The following FHIT variants were observed in gnomAD, a reference collection of about 807,000 sequenced individuals.
FHIT encodes bis(5'-adenosyl)-triphosphatase.
In FHIT, 19 loss-of-function variants were observed where a neutral mutation model predicts 17.9. That is an observed-to-expected ratio of 1.06 (90% CI 0.74 to 1.56). The LOEUF is 1.56. Among genes scored for constraint, FHIT ranks in the 40% most tolerant of loss-of-function variants. The pLI, the probability that FHIT is intolerant of heterozygous loss-of-function variation, is 0.00. For missense variants in FHIT, 248 were observed against 189.2 expected (o/e 1.31, Z -1.82); for synonymous variants, 81 against 69.7 (o/e 1.16, Z -0.81).
At chr3:60,269,436 C>T (rs187172664) in intron 5 of FHIT, among the ~76,000 whole-genome samples, 1 of 152,244 alleles carries the variant, frequency 6.6e-6, no homozygotes, top group East Asian at 1.9e-4. Context: ...TTTGAGAAAT[C>T]TTGGTATTTT....
chr3:59,999,883 C>T (rs892056519), intron 7 of FHIT, among the ~76,000 whole-genome samples: 2 of 152,124 alleles, frequency 1.3e-5, no homozygotes, highest in African/African-American at 4.8e-5. Context: ...GCTGGGATTA[C>T]AGGTGTGAGC....
intron 2 of FHIT, among the ~76,000 whole-genome samples, chr3:61,087,098 G>A (rs2035329687): frequency 6.6e-6 from 1 of 152,008 alleles, no homozygotes; most frequent in Non-Finnish European, 1.5e-5. Flanking sequence ...ATCCATCTCA[G>A]TTTCAATGTC....
At chr3:60,788,780 A>G (rs1347860563) in intron 4 of FHIT, among the ~76,000 whole-genome samples, 1 of 152,192 alleles carries the variant, frequency 6.6e-6, no homozygotes, top group African/African-American at 2.4e-5. Flanking sequence ...GATTCTGGGC[A>G]TTTGTGGCCT....
At chr3:61,061,514 TA>T (rs1221867075) in intron 2 of FHIT, among the ~76,000 whole-genome samples, 151 of 151,818 alleles carry the variant, frequency 9.9e-4, no homozygotes, top group African/African-American at 3.4e-3. Context: ...TAATTAAATT[TA>T]AATTAAAATT....
chr3:60,486,766 G>A (rs775804982), intron 5 of FHIT, among the ~76,000 whole-genome samples: 4 of 152,040 alleles, frequency 2.6e-5, no homozygotes, highest in Admixed American at 1.3e-4. Context: ...ATCTTTCAAC[G>A]GATATCCTCT....
At chr3:60,723,627 T>C (rs2041856514) in intron 4 of FHIT, among the ~76,000 whole-genome samples, 1 of 152,232 alleles carries the variant, frequency 6.6e-6, no homozygotes, top group Admixed American at 6.5e-5. Context: ...AAGAGGACTC[T>C]TGGACGCTTA....
chr3:60,304,291 C>T (rs1401536775), intron 5 of FHIT, among the ~76,000 whole-genome samples: 1 of 152,080 alleles, frequency 6.6e-6, no homozygotes, highest in Non-Finnish European at 1.5e-5. Context: ...TCAACAATTG[C>T]TGCCAATTGC....
rs542390161 is a variant in FHIT at position 60,698,915 on chromosome 3, T to C, written c.-18+123004A>G. Among the ~76,000 whole-genome samples, 15 of 152,322 alleles carry C rather than the reference T, an allele frequency of 9.8e-5. No homozygotes were observed. In the East Asian group the frequency reaches 2.9e-3, roughly 29 times the overall value. On this transcript the variant is annotated intron_variant, in intron 4 of 9. Coordinates refer to ENST00000492590, the MANE Select transcript of FHIT (RefSeq NM_002012.4). Reference sequence around the variant, plus strand: ...TAGCACATCACCCAGAGAAACTGACTTTTAACAGTCTGGTGTTTATACTCC... The same window carrying C: ...TAGCACATCACCCAGAGAAACTGACCTTTAACAGTCTGGTGTTTATACTCC...
intron 5 of FHIT, among the ~76,000 whole-genome samples, chr3:60,472,277 G>C (rs1337227996): frequency 6.6e-6 from 1 of 151,538 alleles, no homozygotes; most frequent in East Asian, 1.9e-4. Context: ...TTATTACTTC[G>C]AACTGTATGC....
intron 8 of FHIT, among the ~76,000 whole-genome samples, chr3:59,901,743 T>C (rs1456311838): frequency 1.3e-5 from 2 of 152,170 alleles, no homozygotes; most frequent in East Asian, 3.8e-4. Flanking sequence ...AAATTAAACA[T>C]AGGGTTACCT....
At chr3:60,177,358 G>C (rs1701726994) in intron 5 of FHIT, among the ~76,000 whole-genome samples, 1 of 151,306 alleles carries the variant, frequency 6.6e-6, no homozygotes, top group Non-Finnish European at 1.5e-5. Flanking sequence ...CCAGGCAAAA[G>C]TACTAGCACA....
chr3:60,244,034 C>T (rs2107578533), intron 5 of FHIT, among the ~76,000 whole-genome samples: 1 of 152,176 alleles, frequency 6.6e-6, no homozygotes. Flanking sequence ...ACTTCTACCA[C>T]TTAGAGAAAT....
chr3:61,194,597 C>G (rs1016654183), intron 2 of FHIT, among the ~76,000 whole-genome samples: 1 of 152,120 alleles, frequency 6.6e-6, no homozygotes, highest in South Asian at 2.1e-4. Flanking sequence ...TTCTAAATAA[C>G]GCCACATTCA....
intron 4 of FHIT, among the ~76,000 whole-genome samples, chr3:60,636,377 T>C (rs1201798879): frequency 1.8e-4 from 28 of 152,158 alleles, no homozygotes; most frequent in Admixed American, 1.8e-3. Context: ...CCAGAATGAA[T>C]GAATTTTACC....
Position 60,233,591 on chromosome 3 carries a change from AT to A in FHIT, c.104-219440del. Among the ~76,000 whole-genome samples the A allele has an allele frequency of 2.0e-5, 3 of 152,182 alleles. No homozygotes were observed. In the East Asian group the frequency reaches 5.8e-4, roughly 29 times the overall value. The stretch of plus-strand genomic sequence containing the variant: ...TATTTTCTTTCATTATTTCTTCATA[AT>A]CCTTATCACTTTTTGAAATCATCTT... On this transcript the variant is annotated intron_variant, in intron 5 of 9. Coordinates refer to ENST00000492590, the MANE Select transcript of FHIT (RefSeq NM_002012.4).
intron 3 of FHIT, among the ~76,000 whole-genome samples, chr3:60,838,178 C>G (rs1318400040): frequency 6.6e-6 from 1 of 152,126 alleles, no homozygotes; most frequent in Non-Finnish European, 1.5e-5. Context: ...TATGCAAATT[C>G]TTTTAGTTTT....
chr3:60,804,083 G>A (rs1353922763), intron 4 of FHIT, among the ~76,000 whole-genome samples: 1 of 152,166 alleles, frequency 6.6e-6, no homozygotes, highest in Non-Finnish European at 1.5e-5. Flanking sequence ...AACCCCGGAA[G>A]GCAGCGGAGG....
chr3:60,095,058 T>G (rs1703885902), intron 5 of FHIT, among the ~76,000 whole-genome samples: 1 of 152,172 alleles, frequency 6.6e-6, no homozygotes. Context: ...ACGCTTTGAA[T>G]GCTCACAACA....
chr3:60,523,933 T>C (rs1329890432), intron 5 of FHIT, among the ~76,000 whole-genome samples: 1 of 152,234 alleles, frequency 6.6e-6, no homozygotes, highest in African/African-American at 2.4e-5. Context: ...GTTGACACTA[T>C]GTTAACCATT....
Sources: gnomAD v4.1 joint callset for allele counts (sites outside exome capture counted in the v4.1 genomes callset) on GRCh38, gnomAD v4.1.1 for gene constraint, MANE v1.5 for transcripts, NCBI Gene and HGNC (gene_info 2026-07-23, HGNC 2026-07-21) for gene names.